Variants in DNAH8 observed in about 807,000 individuals in gnomAD.
DNAH8 encodes the protein dynein axonemal heavy chain 8, also known as axonemal beta dynein heavy chain 8.
Under a neutral mutation model 562.1 loss-of-function variants are expected in DNAH8, and 382 were observed. That is an observed-to-expected ratio of 0.68 (90% CI 0.63 to 0.74). DNAH8 has a LOEUF of 0.74. Among genes scored for constraint, DNAH8 ranks in the 30% least tolerant of loss-of-function variants. The probability of loss-of-function intolerance (pLI) is 0.00; values close to 1 mark genes in which losing one functional copy is unlikely to be tolerated. For synonymous variants in DNAH8, 1,881 were observed against 1,919.4 expected (o/e 0.98, Z 0.52); for missense variants, 5,203 against 5,620.4 (o/e 0.93, Z 2.37).
rs777037806 is a variant in DNAH8, at chr6:38,873,382, A to G, written c.7620+6A>G. On this transcript the variant is annotated splice_donor_region_variant and intron_variant, in intron 52 of 92. Coordinates refer to ENST00000327475, the MANE Select transcript of DNAH8 (RefSeq NM_001206927.2). The stretch of plus-strand genomic sequence containing the variant: ...AGTGCAACTATATTGTGCAAGTAAG[A>G]TTTTTTTTTGTACATTTACTACTTC... The G allele has an allele frequency of 6.4e-7, 1 of 1,566,450 alleles. No homozygotes were observed. Among genetic ancestry groups the G allele is most frequent in the South Asian group, 1.2e-5 (1 of 82,378 alleles).
At chr6:38,727,758 T>G (rs1203948025) in intron 3 of DNAH8, among the ~76,000 whole-genome samples, 1 of 152,242 alleles carries the variant, frequency 6.6e-6, no homozygotes, top group Non-Finnish European at 1.5e-5. Flanking sequence ...CAGATGTTTC[T>G]GCAACATTGG....
chr6:39,016,405 G>T (rs955103106), intron 91 of DNAH8, among the ~76,000 whole-genome samples: 17 of 152,030 alleles, frequency 1.1e-4, no homozygotes, highest in African/African-American at 3.9e-4. Context: ...CAAAAAATTA[G>T]CTGGGCTTGG....
At chr6:38,913,561 G>A (rs1412257792) in intron 66 of DNAH8, among the ~76,000 whole-genome samples, 1 of 152,102 alleles carries the variant, frequency 6.6e-6, no homozygotes, top group Non-Finnish European at 1.5e-5. Flanking sequence ...TGTCAAATAA[G>A]TTTCTTGGCC....
rs2448401 is a variant in DNAH8, at chr6:38,761,682, T to C, written c.1516-20T>C. On this transcript the variant is annotated intron_variant, in intron 10 of 92. Coordinates refer to ENST00000327475, the MANE Select transcript of DNAH8 (RefSeq NM_001206927.2). Reference sequence around the variant, plus strand: ...TTTCTCTTTTTACATATAATTATTTTGTACCTATATTTATTTCAGGTAACA... The same window carrying C: ...TTTCTCTTTTTACATATAATTATTTCGTACCTATATTTATTTCAGGTAACA... 267,746 of 1,253,670 alleles carry C rather than the reference T, an allele frequency of 0.21. 31,903 individuals are homozygous for C. Among genetic ancestry groups the C allele is most frequent in the East Asian group, 0.46 (17,786 of 38,354 alleles). The allele number at this position is 1,253,670 out of a possible 1,614,324, so 77.7% of individuals were successfully genotyped here.
At chr6:38,834,497 A>G in intron 31 of DNAH8, 82 bp from the exon 32 acceptor site, 1 of 938,582 alleles carries the variant, frequency 1.1e-6, no homozygotes, top group Non-Finnish European at 1.6e-6. Context: ...TGTTTACTTA[A>G]ATGGAAATAA....
At chr6:38,949,307 C>G in intron 80 of DNAH8, 145 bp from the exon 81 acceptor site, 1 of 644,200 alleles carries the variant, frequency 1.6e-6, no homozygotes, top group Non-Finnish European at 2.8e-6. Context: ...AGTCATTGAT[C>G]CTGAAGAAAG....
intron 82 of DNAH8, among the ~76,000 whole-genome samples, chr6:38,957,475 A>G (rs6903197): frequency 6.6e-6 from 1 of 151,570 alleles, no homozygotes; most frequent in Non-Finnish European, 1.5e-5. Context: ...TCTAAATCAA[A>G]TGGACCTAAC....
At chr6:38,950,245 G>A (rs896722193) in intron 81 of DNAH8, among the ~76,000 whole-genome samples, 1 of 151,588 alleles carries the variant, frequency 6.6e-6, no homozygotes, top group African/African-American at 2.4e-5. Flanking sequence ...GGGTAAGGCA[G>A]AGGAGTAAAG....
chr6:38,802,708 A>G (rs58614799), intron 21 of DNAH8, among the ~76,000 whole-genome samples: 2,452 of 152,336 alleles, frequency 0.016, 81 homozygotes, highest in African/African-American at 0.056. Flanking sequence ...TCCCAAGATC[A>G]GTGTTTAACT....
intron 63 of DNAH8, among the ~76,000 whole-genome samples, chr6:38,906,611 A>G (rs1168407067): frequency 6.6e-6 from 1 of 152,212 alleles, no homozygotes; most frequent in Non-Finnish European, 1.5e-5. Flanking sequence ...AATTTTGAAC[A>G]TGGTTCCTTA....
intron 58 of DNAH8, among the ~76,000 whole-genome samples, chr6:38,892,584 G>A (rs114119707): frequency 3.5e-4 from 53 of 151,996 alleles, no homozygotes; most frequent in African/African-American, 9.9e-4. Context: ...CCATCCCCCC[G>A]TGACCACCCT....
chr6:38,841,073 T>G (rs1160777803), intron 33 of DNAH8, among the ~76,000 whole-genome samples: 1 of 152,166 alleles, frequency 6.6e-6, no homozygotes, highest in East Asian at 1.9e-4. Flanking sequence ...ACAACTAAGA[T>G]CGCAGAATGT....
intron 22 of DNAH8, 106 bp downstream of exon 22, chr6:38,803,417 G>A: frequency 1.4e-6 from 1 of 739,610 alleles, no homozygotes; most frequent in East Asian, 2.8e-5. Flanking sequence ...CCCTTCCCCA[G>A]AAGCAAAGAA....
intron 77 of DNAH8, 83 bp from the exon 78 acceptor site, chr6:38,937,891 G>GTTT: frequency 2.5e-5 from 30 of 1,202,842 alleles, no homozygotes; most frequent in South Asian, 6.3e-5. Flanking sequence ...AGCTAACAGC[G>GTTT]TTTTTTTTTT....
intron 33 of DNAH8, among the ~76,000 whole-genome samples, chr6:38,841,275 C>T (rs574270564): frequency 1.1e-4 from 17 of 152,010 alleles, no homozygotes; most frequent in Admixed American, 3.9e-4. Context: ...AAAAATTAGC[C>T]GGGCGTGGTG....
At chr6:38,827,386 T>C (rs995938368) in intron 29 of DNAH8, among the ~76,000 whole-genome samples, 3 of 152,212 alleles carry the variant, frequency 2.0e-5, no homozygotes, top group African/African-American at 7.2e-5. Context: ...GTTTTAGGAC[T>C]AATATTATTT....
chr6:38,866,899 C>A, intron 47 of DNAH8, 23 bp downstream of exon 47: 1 of 1,430,046 alleles, frequency 7.0e-7, no homozygotes, highest in Non-Finnish European at 9.8e-7. Flanking sequence ...ATCTGCTTTC[C>A]TCCTAGCAAT....
At chr6:38,905,026 A>T (rs1247546974) in intron 62 of DNAH8, among the ~76,000 whole-genome samples, 6 of 152,192 alleles carry the variant, frequency 3.9e-5, no homozygotes, top group Non-Finnish European at 8.8e-5. Flanking sequence ...AAAGCAATAC[A>T]TCACAGTCAG....
intron 44 of DNAH8, among the ~76,000 whole-genome samples, chr6:38,862,752 CAG>C (rs1241289120): frequency 3.3e-5 from 5 of 152,180 alleles, no homozygotes; most frequent in African/African-American, 4.8e-5. Context: ...AAATAGCAAA[CAG>C]GGGACACATG....
Sources: allele counts gnomAD v4.1 joint callset (sites outside exome capture counted in the v4.1 genomes callset), GRCh38; gene constraint gnomAD v4.1.1; transcripts MANE v1.5; gene names NCBI Gene and HGNC (gene_info 2026-07-23, HGNC 2026-07-21).